Variants in TRHDE observed in about 807,000 individuals in gnomAD.
TRHDE encodes the protein thyrotropin releasing hormone degrading enzyme, also known as thyrotropin-releasing hormone-degrading ectoenzyme.
Under a neutral mutation model 125.7 loss-of-function variants are expected in TRHDE, and 72 were observed. That is an observed-to-expected ratio of 0.57 (90% CI 0.47 to 0.70). The LOEUF is 0.70. Among genes scored for constraint, TRHDE ranks in the 30% least tolerant of loss-of-function variants. The pLI is 0.00. For missense variants in TRHDE, 1,110 were observed against 1,327.1 expected, an observed-to-expected ratio of 0.84 and a Z score of 2.54; for synonymous variants, 509 against 509.1, an observed-to-expected ratio of 1.00 and a Z score of 0.00.
At chr12:72,240,353 G>A (rs894463671) in intron 2 of TRHDE, among the ~76,000 whole-genome samples, 1 of 147,778 alleles carries the variant, frequency 6.8e-6, no homozygotes, top group African/African-American at 2.5e-5. Flanking sequence ...ATATATTTGT[G>A]TATATATATA....
intron 2 of TRHDE, among the ~76,000 whole-genome samples, chr12:72,346,638 A>G (rs1870342330): frequency 6.6e-6 from 1 of 151,994 alleles, no homozygotes; most frequent in Admixed American, 6.6e-5. Context: ...TTTTGTTACT[A>G]ATGCCGAGTG....
chr12:72,437,171 T>TA (rs984539638), intron 3 of TRHDE, among the ~76,000 whole-genome samples: 1 of 151,880 alleles, frequency 6.6e-6, no homozygotes, highest in Non-Finnish European at 1.5e-5. Context: ...GCAATGATAA[T>TA]AAAAGTATCT....
chr12:72,390,565 C>T (rs1872578779), intron 3 of TRHDE, among the ~76,000 whole-genome samples: 1 of 152,162 alleles, frequency 6.6e-6, no homozygotes, highest in African/African-American at 2.4e-5. Flanking sequence ...TAGGGTTAAC[C>T]ATCTAAAAGT....
intron 3 of TRHDE, among the ~76,000 whole-genome samples, chr12:72,441,127 TG>T (rs1874990200): frequency 6.6e-6 from 1 of 151,436 alleles, no homozygotes; most frequent in Non-Finnish European, 1.5e-5. Flanking sequence ...AAGGGCTTAA[TG>T]AAAAAAAAAA....
chr12:72,507,950 T>C (rs912734794), intron 6 of TRHDE, among the ~76,000 whole-genome samples: 1 of 152,218 alleles, frequency 6.6e-6, no homozygotes, highest in African/African-American at 2.4e-5. Flanking sequence ...AGGTATAGCT[T>C]GGGTCATAGC....
At chr12:72,304,313 T>C (rs1460098832) in intron 2 of TRHDE, among the ~76,000 whole-genome samples, 1 of 152,184 alleles carries the variant, frequency 6.6e-6, no homozygotes, top group African/African-American at 2.4e-5. Context: ...CTTTGTTTTC[T>C]TAATTGTAAA....
chr12:72,241,899 A>T (rs1460657590), intron 2 of TRHDE, among the ~76,000 whole-genome samples: 1 of 152,000 alleles, frequency 6.6e-6, no homozygotes, highest in African/African-American at 2.4e-5. Flanking sequence ...AATTTGCATT[A>T]CCCCAGTGGC....
At chr12:72,108,555 T>A (rs1302338316) in intron 2 of TRHDE, among the ~76,000 whole-genome samples, 2 of 152,112 alleles carry the variant, frequency 1.3e-5, no homozygotes, top group African/African-American at 2.4e-5. Flanking sequence ...TTCTTCGATG[T>A]TTCAGCTTTA....
chr12:72,442,075 G>A (rs1875041056), intron 3 of TRHDE, among the ~76,000 whole-genome samples: 1 of 151,810 alleles, frequency 6.6e-6, no homozygotes, highest in African/African-American at 2.4e-5. Context: ...AGAGAGGATA[G>A]TCTGTAAATG....
intron 12 of TRHDE, among the ~76,000 whole-genome samples, chr12:72,594,102 C>T (rs899795991): frequency 6.6e-6 from 1 of 151,404 alleles, no homozygotes; most frequent in East Asian, 2.0e-4. Context: ...CTGACTTCCA[C>T]AATGGTTGAA....
intron 3 of TRHDE, among the ~76,000 whole-genome samples, chr12:72,408,764 A>G (rs1244805990): frequency 6.6e-6 from 1 of 152,206 alleles, no homozygotes; most frequent in African/African-American, 2.4e-5. Context: ...AAAACTCAAT[A>G]GATGAATCAG....
In TRHDE at chr12:72,575,256, G is replaced by A; in HGVS notation, c.2133G>A (p.Glu711=). ...CTATCCCAAAAATGCTTTTTTCAGA[G>A]CACCACAGAATAACTTATTTGGACA... is the stretch of plus-strand genomic sequence containing the variant. ...EAIIWVSNKS[E]HHRITYLDKG... Residue 711 remains glutamate, a splice_region_variant and synonymous_variant, in exon 11 of 19, where the codon GAG becomes GAA. Transcript: ENST00000261180. 6.2e-7 allele frequency: 1 copy of A among 1,612,116 alleles called. No homozygotes were observed. Among genetic ancestry groups the A allele is most frequent in the Non-Finnish European group, 8.5e-7 (1 of 1,179,396 alleles).
chr12:72,560,857 A>G (rs1870144071), intron 7 of TRHDE: 2 of 152,138 alleles, frequency 1.3e-5, no homozygotes, highest in African/African-American at 4.8e-5. Flanking sequence ...AATAAAATGC[A>G]CATTTATATT....
chr12:72,247,011 A>G (rs1232078500), intron 2 of TRHDE, among the ~76,000 whole-genome samples: 2 of 152,190 alleles, frequency 1.3e-5, no homozygotes, highest in African/African-American at 4.8e-5. Flanking sequence ...CTAAAGCTCA[A>G]TTTAGCAATT....
At chr12:72,462,096 T>C (rs927742046) in intron 3 of TRHDE, among the ~76,000 whole-genome samples, 1 of 152,178 alleles carries the variant, frequency 6.6e-6, no homozygotes, top group Non-Finnish European at 1.5e-5. Flanking sequence ...TTAAACATTA[T>C]ATCCATTGCC....
At chr12:72,661,978 T>C (rs77194956) in intron 18 of TRHDE, among the ~76,000 whole-genome samples, 2 of 152,320 alleles carry the variant, frequency 1.3e-5, no homozygotes, top group African/African-American at 2.4e-5. Context: ...ATCAGTATCA[T>C]GTAATCAAAG....
intron 2 of TRHDE, among the ~76,000 whole-genome samples, chr12:72,203,408 C>CA (rs2139356388): frequency 6.6e-6 from 1 of 152,232 alleles, no homozygotes; most frequent in Non-Finnish European, 1.5e-5. Flanking sequence ...GCGGAGCTTG[C>CA]AGTGAGCAGA....
intron 3 of TRHDE, among the ~76,000 whole-genome samples, chr12:72,458,328 G>A (rs906099726): frequency 2.6e-5 from 4 of 152,102 alleles, no homozygotes; most frequent in African/African-American, 9.7e-5. Context: ...TCCCTCCCCT[G>A]TGGATGGATC....
At chr12:72,441,729 T>C (rs1392260252) in intron 3 of TRHDE, among the ~76,000 whole-genome samples, 1 of 151,874 alleles carries the variant, frequency 6.6e-6, no homozygotes, top group Non-Finnish European at 1.5e-5. Flanking sequence ...GTTGGCCAAA[T>C]ACATCACATG....
Sources: allele counts gnomAD v4.1 joint callset (sites outside exome capture counted in the v4.1 genomes callset), GRCh38; gene constraint gnomAD v4.1.1; transcripts MANE v1.5; gene names NCBI Gene and HGNC (gene_info 2026-07-23, HGNC 2026-07-21).